The following WWOX variants were observed in gnomAD, a reference collection of about 807,000 sequenced individuals.
WWOX encodes the protein WW domain containing oxidoreductase, also known as WW domain-containing oxidoreductase.
In WWOX, 69 loss-of-function variants were observed where a neutral mutation model predicts 46.2. The observed-to-expected ratio is 1.49, with a 90% CI of 1.23 to 1.82. The LOEUF is 1.82. Ranked by LOEUF, WWOX falls within the 40% of genes most tolerant of loss-of-function variation. WWOX has a pLI of 0.00. For synonymous variants in WWOX, 359 were observed against 202.6 expected, an observed-to-expected ratio of 1.77 and a Z score of -6.56; for missense variants, 919 against 542.6, an observed-to-expected ratio of 1.69 and a Z score of -6.89.
chr16:78,799,332 C>T (rs942575669), intron 8 of WWOX, among the ~76,000 whole-genome samples: 3 of 152,146 alleles, frequency 2.0e-5, no homozygotes, highest in African/African-American at 7.2e-5. Flanking sequence ...TAACAAAAAT[C>T]ACTTTTAAAA....
At chr16:78,383,897 C>T (rs186244595) in intron 5 of WWOX, among the ~76,000 whole-genome samples, 2 of 152,044 alleles carry the variant, frequency 1.3e-5, no homozygotes, top group African/African-American at 4.8e-5. Flanking sequence ...GGCTTGTGAC[C>T]CCTTTTTCCC....
intron 8 of WWOX, among the ~76,000 whole-genome samples, chr16:78,972,523 A>G (rs1344957232): frequency 6.6e-6 from 1 of 151,908 alleles, no homozygotes. Flanking sequence ...CTCACTGACC[A>G]TCTCTGGGGG....
chr16:78,336,938 C>T (rs892957574), intron 5 of WWOX, among the ~76,000 whole-genome samples: 4 of 151,976 alleles, frequency 2.6e-5, no homozygotes, highest in African/African-American at 9.7e-5. Flanking sequence ...GCCACCATGC[C>T]CGGCTAATTT....
chr16:78,788,853 A>G (rs1232577097), intron 8 of WWOX, among the ~76,000 whole-genome samples: 4 of 152,172 alleles, frequency 2.6e-5, no homozygotes, highest in African/African-American at 7.2e-5. Context: ...ACCTCCAACT[A>G]ACTCCACGTA....
At chr16:79,180,711 T>A (rs2050893968) in intron 8 of WWOX, among the ~76,000 whole-genome samples, 1 of 152,208 alleles carries the variant, frequency 6.6e-6, no homozygotes, top group Non-Finnish European at 1.5e-5. Context: ...TCTTCATTCC[T>A]TTCTTGTCTC....
intron 8 of WWOX, among the ~76,000 whole-genome samples, chr16:78,502,383 G>T (rs2085091541): frequency 6.6e-6 from 1 of 152,054 alleles, no homozygotes; most frequent in African/African-American, 2.4e-5. Flanking sequence ...CAATCTACTT[G>T]CTGTTTCTAT....
intron 8 of WWOX, chr16:79,205,400 CAAAG>C (rs1198858615): frequency 6.6e-6 from 1 of 152,154 alleles, no homozygotes; most frequent in East Asian, 1.9e-4. Context: ...CTGTTGCTAG[CAAAG>C]AAATATTTTT....
intron 5 of WWOX, among the ~76,000 whole-genome samples, chr16:78,294,172 G>GC (rs1362566401): frequency 2.6e-5 from 4 of 152,006 alleles, no homozygotes; most frequent in Non-Finnish European, 4.4e-5. Flanking sequence ...CTCAGATAGA[G>GC]CCATAAGGAT....
At chr16:79,179,046 A>T (rs927878158) in intron 8 of WWOX, among the ~76,000 whole-genome samples, 4 of 152,188 alleles carry the variant, frequency 2.6e-5, no homozygotes, top group African/African-American at 9.7e-5. Flanking sequence ...CTGCCTCAGC[A>T]ATATTCTGTG....
chr16:78,956,928 C>G lies in WWOX; in HGVS notation c.1057-254680C>G, dbSNP rs543522359. ...GATGTTTTGTAAAGAAAGTTTGCTA[C>G]TGTCACTTCTGAGTAGTTGCAGTCC... On this transcript the variant is annotated intron_variant, in intron 8 of 8. Coordinates refer to ENST00000566780, the MANE Select transcript of WWOX (RefSeq NM_016373.4). Among the ~76,000 whole-genome samples the G allele has an allele frequency of 9.8e-5, 15 of 152,322 alleles. 1 individual carries two copies. In the South Asian group the frequency reaches 2.9e-3, roughly 29 times the overall value.
chr16:78,455,981 G>C (rs1008119621), intron 8 of WWOX, among the ~76,000 whole-genome samples: 1 of 152,204 alleles, frequency 6.6e-6, no homozygotes, highest in Non-Finnish European at 1.5e-5. Context: ...TATAGGCCAG[G>C]ACCTGTGCTA....
chr16:78,300,995 C>T (rs1203767530), intron 5 of WWOX, among the ~76,000 whole-genome samples: 1 of 151,710 alleles, frequency 6.6e-6, no homozygotes, highest in African/African-American at 2.4e-5. Flanking sequence ...CATCTACCCA[C>T]CCATCCATCC....
Position 79,185,271 on chromosome 16 carries a change from C to G in WWOX, c.1057-26337C>G, listed in dbSNP as rs113352854. On this transcript the variant is annotated intron_variant, in intron 8 of 8. Transcript: ENST00000566780. ...CCCTGAACCAGACAGGAAACTGCCTCTCTTCAATAAGAGCAGAGGCAGTCT... is the reference window on the plus strand; with the variant it reads ...CCCTGAACCAGACAGGAAACTGCCTGTCTTCAATAAGAGCAGAGGCAGTCT... Among the ~76,000 whole-genome samples, 1,236 of 152,286 alleles carry G rather than the reference C, an allele frequency of 8.1e-3. 18 individuals carry two copies. Among genetic ancestry groups the G allele is most frequent in the African/African-American group, 0.028 (1,165 of 41,562 alleles).
intron 8 of WWOX, among the ~76,000 whole-genome samples, chr16:78,699,708 A>C (rs868004492): frequency 6.6e-6 from 1 of 152,198 alleles, no homozygotes; most frequent in Non-Finnish European, 1.5e-5. Context: ...TACAGCCTCT[A>C]CCAGATGGTA....
chr16:78,144,466 C>CATATATATATATATATAT (rs1567596354), intron 4 of WWOX, among the ~76,000 whole-genome samples: 2 of 14,368 alleles, frequency 1.4e-4, no homozygotes, highest in Non-Finnish European at 1.4e-4. Flanking sequence ...TATATATACA[C>CATATATATATATATATAT]ACATATATAT....
intron 5 of WWOX, among the ~76,000 whole-genome samples, chr16:78,201,710 TTTA>T (rs1181137462): frequency 1.4e-5 from 2 of 144,762 alleles, no homozygotes; most frequent in Non-Finnish European, 3.0e-5. Context: ...TATTTATTTA[TTTA>T]TTGTTTGAGA....
chr16:78,859,160 GA>G (rs2052657993), intron 8 of WWOX, among the ~76,000 whole-genome samples: 1 of 150,316 alleles, frequency 6.7e-6, no homozygotes, highest in Non-Finnish European at 1.5e-5. Context: ...AGACACTGGG[GA>G]GAACCCTCCA....
chr16:78,828,155 G>A (rs1052373344), intron 8 of WWOX, among the ~76,000 whole-genome samples: 124 of 152,182 alleles, frequency 8.1e-4, no homozygotes, highest in Non-Finnish European at 5.9e-5. Context: ...GAATGAGAGA[G>A]GCCAGCTAAT....
intron 8 of WWOX, among the ~76,000 whole-genome samples, chr16:78,441,972 G>GTGTGTGT (rs1303135210): frequency 1.4e-5 from 2 of 146,256 alleles, no homozygotes; most frequent in Non-Finnish European, 2.9e-5. Context: ...GTGTGTGTGT[G>GTGTGTGT]TGTGTGTGTG....
Sources: gnomAD v4.1 joint callset for allele counts (sites outside exome capture counted in the v4.1 genomes callset) on GRCh38, gnomAD v4.1.1 for gene constraint, MANE v1.5 for transcripts, NCBI Gene and HGNC (gene_info 2026-07-23, HGNC 2026-07-21) for gene names.